Variants in ABCC12 observed in about 807,000 individuals in gnomAD.
ABCC12 encodes the protein ATP binding cassette subfamily C member 12.
A neutral mutation model predicts 151.1 loss-of-function variants in ABCC12; 142 were observed. The observed-to-expected ratio is 0.94, with a 90% CI of 0.82 to 1.08. The LOEUF (loss-of-function observed/expected upper bound fraction) is 1.08, where lower values mean the gene tolerates loss of function less well. Among genes scored for constraint, ABCC12 ranks in the 50% least tolerant of loss-of-function variants. The pLI, the probability that ABCC12 is intolerant of heterozygous loss-of-function variation, is 0.00. For missense variants in ABCC12, 1,638 were observed against 1,691.1 expected (o/e 0.97, Z 0.55); for synonymous variants, 645 against 646.4 (o/e 1.00, Z 0.03).
chr16:48,113,542 A>G lies in ABCC12; in HGVS notation c.1990-1632T>C, dbSNP rs551082007. Among the ~76,000 whole-genome samples the G allele has an allele frequency of 5.1e-4, 78 of 152,218 alleles. 1 individual carries two copies. Among genetic ancestry groups the G allele is most frequent in the Non-Finnish European group, 7.2e-4 (49 of 68,040 alleles). On this transcript the variant is annotated intron_variant, in intron 15 of 30. Coordinates refer to ENST00000311303, the MANE Select transcript of ABCC12 (RefSeq NM_001393797.1). ...CTTAGAAGAGCGATCATCCACCCCA[A>G]CCACTAAGATGCTTGCCTGTGGGCC...
In ABCC12 at chr16:48,121,840, T is replaced by A. The variant is rs1459886031; in HGVS notation, c.1588A>T (p.Met530Leu). 1 of 1,614,114 alleles carries A rather than the reference T, an allele frequency of 6.2e-7. No homozygotes were observed. The highest frequency in any genetic ancestry group is 8.5e-7 in the Non-Finnish European group (1 of 1,180,004). ...SSLLAALLGQ[M>L]QLQKGVVAVN... is the part of the protein sequence containing the mutation. ...GCCACCACCCCTTTCTGCAGCTGCA[T>A]CTGGAACAACAAGACGGGAGAAGCT... Residue 530 changes from methionine (M) to leucine (L), a missense_variant and splice_region_variant, in exon 13 of 31, where the codon ATG (methionine) becomes TTG (leucine). Transcript: ENST00000311303.
chr16:48,134,206 AG>A (rs1964530343), intron 8 of ABCC12, among the ~76,000 whole-genome samples: 1 of 152,214 alleles, frequency 6.6e-6, no homozygotes, highest in Admixed American at 6.5e-5. Context: ...GGAGAATCAA[AG>A]GGGCAGCCTC....
chr16:48,096,915 T>A lies in ABCC12; in HGVS notation c.3039-13A>T. ...GTAGAGGAGGTGACTGGAGTTTTCG[T>A]CGTTTAGCGTCTTAAACCTACAGTC... is the stretch of plus-strand genomic sequence containing the variant. On this transcript the variant is annotated splice_polypyrimidine_tract_variant and intron_variant, in intron 23 of 30. Coordinates refer to ENST00000311303, the MANE Select transcript of ABCC12 (RefSeq NM_001393797.1). The A allele has an allele frequency of 6.2e-7, 1 of 1,614,058 alleles. No individual in the cohort carries two copies. The highest frequency in any genetic ancestry group is 2.2e-5 in the East Asian group (1 of 44,888).
chr16:48,140,950 G>A (rs1307805274), intron 5 of ABCC12, 30 bp from the exon 6 acceptor site: 1 of 1,589,834 alleles, frequency 6.3e-7, no homozygotes. Context: ...GGAGAAGAGA[G>A]GGCCACTGAG....
intron 4 of ABCC12, among the ~76,000 whole-genome samples, chr16:48,142,698 A>G (rs757001858): frequency 2.0e-5 from 3 of 152,260 alleles, no homozygotes; most frequent in Non-Finnish European, 4.4e-5. Flanking sequence ...ACAGAGTTCA[A>G]TGCAGCTGCT....
intron 2 of ABCC12, chr16:48,146,712 C>T: frequency 3.4e-6 from 1 of 296,580 alleles, no homozygotes; most frequent in Non-Finnish European, 6.3e-6. Flanking sequence ...GTTGGGTTGG[C>T]CAAGAGCAGA....
rs749473975 is a variant in ABCC12, at chr16:48,124,272, C to T, written c.1528G>A (p.Gly510Arg). Reference sequence around the variant, plus strand: ...CCACTTCCCACATTCCCACATATTCCCAAGATCTTCCCCTGCCAGAGAAAC... The same window carrying T: ...CCACTTCCCACATTCCCACATATTCTCAAGATCTTCCCCTGCCAGAGAAAC... ...SFVVRKGKIL[G>R]ICGNVGSGKS... is the part of the protein sequence containing the mutation. The change falls in exon 12 of 31, where the codon GGA (glycine) becomes AGA (arginine). Residue 510 changes from glycine to arginine, a missense_variant. Coordinates refer to ENST00000311303, the MANE Select transcript of ABCC12 (RefSeq NM_001393797.1). 1 of 1,614,170 alleles carries T rather than the reference C, an allele frequency of 6.2e-7. No individual in the cohort carries two copies. Among genetic ancestry groups the T allele is most frequent in the South Asian group, 1.1e-5 (1 of 91,082 alleles).
chr16:48,144,836 G>A (rs992561376), intron 3 of ABCC12, among the ~76,000 whole-genome samples: 3 of 152,128 alleles, frequency 2.0e-5, no homozygotes, highest in African/African-American at 7.2e-5. Context: ...TCCCTAAAAG[G>A]TGACTTTCAT....
intron 22 of ABCC12, among the ~76,000 whole-genome samples, chr16:48,103,344 G>A (rs1254133895): frequency 6.6e-6 from 1 of 152,164 alleles, no homozygotes; most frequent in Non-Finnish European, 1.5e-5. Flanking sequence ...GCAGGTCTAG[G>A]ATCATGATAA....
intron 23 of ABCC12, among the ~76,000 whole-genome samples, chr16:48,098,197 C>G (rs1360512179): frequency 6.6e-6 from 1 of 151,250 alleles, no homozygotes; most frequent in Non-Finnish European, 1.5e-5. Flanking sequence ...TGAATATATT[C>G]AAGATTGAAA....
intron 25 of ABCC12, among the ~76,000 whole-genome samples, chr16:48,089,088 A>C (rs970721605): frequency 5.9e-5 from 9 of 152,328 alleles, no homozygotes; most frequent in African/African-American, 2.2e-4. Context: ...CTACAAGAGA[A>C]TCAAGTCCAG....
intron 8 of ABCC12, among the ~76,000 whole-genome samples, chr16:48,135,951 T>C (rs1283038701): frequency 2.6e-5 from 4 of 152,156 alleles, no homozygotes; most frequent in Non-Finnish European, 5.9e-5. Flanking sequence ...CTCCAGATGT[T>C]CTAATGGCGT....
At chr16:48,107,299 T>G (rs1390480165) in intron 20 of ABCC12, 23 bp downstream of exon 20, 20 of 1,603,842 alleles carry the variant, frequency 1.2e-5, no homozygotes, top group Non-Finnish European at 1.6e-5. Context: ...CTCGGCATCT[T>G]CCAATGCCAA....
At chr16:48,088,151 T>C in intron 26 of ABCC12, 66 bp from the exon 27 acceptor site, 3 of 1,541,538 alleles carry the variant, frequency 1.9e-6, no homozygotes, top group Non-Finnish European at 2.7e-6. Flanking sequence ...TATCCAAGCA[T>C]TTAATCAGTG....
At chr16:48,133,925 C>T (rs1964520437) in intron 8 of ABCC12, 90 bp from the exon 9 acceptor site, 25 of 1,472,630 alleles carry the variant, frequency 1.7e-5, no homozygotes, top group Middle Eastern at 1.9e-4. Flanking sequence ...GGTCCTCTTC[C>T]AGATGGGCGC....
Position 48,128,580 on chromosome 16 carries a change from T to C in ABCC12, c.1394A>G (p.Lys465Arg), listed in dbSNP as rs141742473. The change falls in exon 11 of 31, where the codon AAG becomes AGG. Residue 465 changes from lysine (K) to arginine (R), a missense_variant. By Grantham distance (26) the Lys-to-Arg change is conservative (BLOSUM62 2). Coordinates refer to ENST00000311303, the MANE Select transcript of ABCC12 (RefSeq NM_001393797.1). ...ACTGTATGCCTCTGACCTCTGTTTC[T>C]TGCATAAATGCCTTTTCTGGTTCTG... ...KLQNQKRHLCKKQRSEAYSER... is the reference protein window; with the variant it reads ...KLQNQKRHLCRKQRSEAYSER... 35 of 1,614,132 alleles carry C rather than the reference T, an allele frequency of 2.2e-5. No homozygotes were observed. The South Asian group carries it at 2.5e-4, about 12-fold the overall frequency.
rs753379021 is a variant in ABCC12, at chr16:48,139,328, A to G, written c.666T>C (p.Asn222=). Residue 222 remains asparagine, a synonymous_variant, in exon 7 of 31, where the codon AAT becomes AAC. Transcript: ENST00000311303. ...AAGAATAGCTATCACTTGACAGTAT[A>G]TTGAGCACCTGGAAAGAAAAGCGCA... The part of the protein sequence containing the change: ...LTHISVGEVL[N]ILSSDSYSLF... The G allele has an allele frequency of 6.2e-7, 1 of 1,602,256 alleles. No homozygotes were observed. The highest frequency in any genetic ancestry group is 1.8e-5 in the Admixed American group (1 of 56,164).
At chr16:48,148,064 C>T (rs531364777) in intron 2 of ABCC12, among the ~76,000 whole-genome samples, 2 of 152,268 alleles carry the variant, frequency 1.3e-5, no homozygotes, top group African/African-American at 4.8e-5. Context: ...TATCCAGCCT[C>T]AGCCTACTGA....
intron 2 of ABCC12, among the ~76,000 whole-genome samples, chr16:48,152,566 C>A (rs1041509691): frequency 6.6e-5 from 10 of 152,152 alleles, no homozygotes; most frequent in African/African-American, 2.4e-4. Flanking sequence ...AAAGAGCTCA[C>A]GGCAAGTTCT....
Sources: gnomAD v4.1 joint callset for allele counts (sites outside exome capture counted in the v4.1 genomes callset) on GRCh38, gnomAD v4.1.1 for gene constraint, MANE v1.5 for transcripts, NCBI Gene and HGNC (gene_info 2026-07-23, HGNC 2026-07-21) for gene names.